The following RGS7 variants were observed in gnomAD, a reference collection of about 807,000 sequenced individuals.
The protein encoded by RGS7 is regulator of G-protein signaling 7.
In RGS7, 27 loss-of-function variants were observed where a neutral mutation model predicts 81.1. That is an observed-to-expected ratio of 0.33 (90% CI 0.25 to 0.46). RGS7 has a LOEUF of 0.46. RGS7 is among the 20% of genes least tolerant of loss of function. The pLI is 1.00. For synonymous variants in RGS7, 208 were observed against 207.7 expected, an observed-to-expected ratio of 1.00 and a Z score of -0.01; for missense variants, 396 against 607.4, an observed-to-expected ratio of 0.65 and a Z score of 3.66.
At chr1:240,958,592 A>G in intron 4 of RGS7, among the ~76,000 whole-genome samples, 1 of 152,160 alleles carries the variant, frequency 6.6e-6, no homozygotes, top group East Asian at 1.9e-4. Flanking sequence ...TTCTTTCTCT[A>G]TAAAGAAACT....
At chr1:241,105,827 T>A (rs1291582709) in intron 2 of RGS7, among the ~76,000 whole-genome samples, 1 of 152,218 alleles carries the variant, frequency 6.6e-6, no homozygotes, top group Non-Finnish European at 1.5e-5. Flanking sequence ...GAAGAAGTTT[T>A]CCAACTCTGC....
chr1:240,869,621 G>T, intron 7 of RGS7, among the ~76,000 whole-genome samples: 1 of 152,216 alleles, frequency 6.6e-6, no homozygotes, highest in East Asian at 1.9e-4. Context: ...TGTGATGCCA[G>T]ATCCCTAGAA....
chr1:241,119,596 T>C (rs1490702784), intron 2 of RGS7, among the ~76,000 whole-genome samples: 1 of 152,248 alleles, frequency 6.6e-6, no homozygotes, highest in African/African-American at 2.4e-5. Flanking sequence ...TGGAAAATAC[T>C]GATGCACTGA....
chr1:241,254,791 A>G (rs1276427041), intron 2 of RGS7, among the ~76,000 whole-genome samples: 2 of 152,148 alleles, frequency 1.3e-5, no homozygotes, highest in East Asian at 3.8e-4. Context: ...TATAGTAAAA[A>G]CCACATTGTC....
intron 6 of RGS7, among the ~76,000 whole-genome samples, chr1:240,903,017 T>A (rs1670256116): frequency 6.6e-6 from 1 of 152,214 alleles, no homozygotes; most frequent in African/African-American, 2.4e-5. Flanking sequence ...GGAATAAAAA[T>A]TACTTTTATA....
At chr1:241,117,545 C>A (rs994115686) in intron 2 of RGS7, among the ~76,000 whole-genome samples, 1 of 152,142 alleles carries the variant, frequency 6.6e-6, no homozygotes, top group Non-Finnish European at 1.5e-5. Flanking sequence ...TTGATTTGTG[C>A]TTTGAACACT....
intron 18 of RGS7, among the ~76,000 whole-genome samples, chr1:240,796,082 C>T (rs1687020814): frequency 6.6e-6 from 1 of 152,130 alleles, no homozygotes; most frequent in Non-Finnish European, 1.5e-5. Context: ...CCACTGCACC[C>T]GGCCTTAAAT....
chr1:240,779,684 G>A (rs540406793), intron 18 of RGS7, among the ~76,000 whole-genome samples: 6 of 152,256 alleles, frequency 3.9e-5, no homozygotes, highest in Admixed American at 6.5e-5. Context: ...TGACTATAAC[G>A]GACTGAAATG....
rs751921090 is a variant in RGS7 at position 241,311,056 on chromosome 1, G to A, written c.78+44643C>T. Reference sequence around the variant, plus strand: ...ATCTTTTGTCATCTTTTGATTCCTCGCTTATAAAATATCTTCCTCAAAGCA... The same window carrying A: ...ATCTTTTGTCATCTTTTGATTCCTCACTTATAAAATATCTTCCTCAAAGCA... On this transcript the variant is annotated intron_variant, in intron 2 of 18. Transcript: ENST00000440928. Among the ~76,000 whole-genome samples, 3 of 152,138 alleles carry A rather than the reference G, an allele frequency of 2.0e-5. No homozygotes were observed. The South Asian group carries it at 6.2e-4, about 32-fold the overall frequency.
At chr1:241,204,099 A>G (rs1315049083) in intron 2 of RGS7, among the ~76,000 whole-genome samples, 1 of 152,240 alleles carries the variant, frequency 6.6e-6, no homozygotes, top group African/African-American at 2.4e-5. Flanking sequence ...GAGAGTTTAA[A>G]GGAAACTTTA....
At chr1:240,857,450 G>C (rs552279320) in intron 9 of RGS7, among the ~76,000 whole-genome samples, 1 of 152,162 alleles carries the variant, frequency 6.6e-6, no homozygotes, top group South Asian at 2.1e-4. Flanking sequence ...CACTGTATAG[G>C]CTGTGATAAA....
At chr1:241,156,098 ACAC>A (rs2069110760) in intron 2 of RGS7, among the ~76,000 whole-genome samples, 1 of 151,774 alleles carries the variant, frequency 6.6e-6, no homozygotes, top group Non-Finnish European at 1.5e-5. Flanking sequence ...ACACACACAC[ACAC>A]ACCTGAGATA....
chr1:240,795,726 A>G (rs1686941802), intron 18 of RGS7, among the ~76,000 whole-genome samples: 2 of 152,330 alleles, frequency 1.3e-5, no homozygotes, highest in African/African-American at 4.8e-5. Context: ...GTTAATAAAT[A>G]GAATCATGTA....
At position 241,259,667 on chromosome 1, in the gene RGS7, A is replaced by AAAAAAAAAAAATATAT; in HGVS notation, c.78+96031_78+96032insATATATTTTTTTTTTT. ...CTCCGTCTCAAAAAAAAAAAAAAAA[A>AAAAAAAAAAAATATAT]ATATATATATATATATATAATTAAA... On this transcript the variant is annotated intron_variant, in intron 2 of 18. Transcript: ENST00000440928. Among the ~76,000 whole-genome samples the AAAAAAAAAAAATATAT allele has an allele frequency of 1.8e-4, 9 of 49,144 alleles. 1 individual carries two copies. Among genetic ancestry groups the AAAAAAAAAAAATATAT allele is most frequent in the East Asian group, 1.2e-3 (2 of 1,644 alleles). 32.2% of individuals were successfully genotyped at this position (49,144 alleles called of 152,430 possible).
rs142264271 is a variant in RGS7, at chr1:241,349,395, T to C, written c.78+6304A>G. On this transcript the variant is annotated intron_variant, in intron 2 of 18. Coordinates refer to ENST00000440928, the MANE Select transcript of RGS7 (RefSeq NM_001364886.1). ...CTAATTTCACAAAACTGCCATTTCCTATATATTTTTCCAGACGACAAAACA... is the reference window on the plus strand; with the variant it reads ...CTAATTTCACAAAACTGCCATTTCCCATATATTTTTCCAGACGACAAAACA... Among the ~76,000 whole-genome samples, 3 of 152,342 alleles carry C rather than the reference T, an allele frequency of 2.0e-5. No individual in the cohort carries two copies. The East Asian group carries it at 5.8e-4, about 29-fold the overall frequency.
intron 1 of RGS7, 81 bp from the exon 2 acceptor site, chr1:241,355,907 A>G: frequency 1.3e-6 from 1 of 772,974 alleles, no homozygotes; most frequent in South Asian, 1.4e-5. Context: ...CACCCACCCC[A>G]CATGGCGCGT....
intron 3 of RGS7, among the ~76,000 whole-genome samples, chr1:241,042,294 A>C (rs1400425470): frequency 1.3e-5 from 2 of 152,196 alleles, no homozygotes; most frequent in African/African-American, 4.8e-5. Flanking sequence ...AATCCCCTAA[A>C]AGTTCACCAC....
At chr1:241,250,462 T>C (rs1482428955) in intron 2 of RGS7, among the ~76,000 whole-genome samples, 1 of 151,748 alleles carries the variant, frequency 6.6e-6, no homozygotes, top group African/African-American at 2.4e-5. Context: ...GTTAATATTG[T>C]GGGATTTTTT....
intron 2 of RGS7, 71 bp downstream of exon 2, chr1:241,355,628 G>A: frequency 7.5e-7 from 1 of 1,337,696 alleles, no homozygotes; most frequent in African/African-American, 1.4e-5. Context: ...TACATACTCT[G>A]ATCTAGAGGG....
Sources: allele counts gnomAD v4.1 joint callset (sites outside exome capture counted in the v4.1 genomes callset), GRCh38; gene constraint gnomAD v4.1.1; transcripts MANE v1.5; gene names NCBI Gene and HGNC (gene_info 2026-07-23, HGNC 2026-07-21).